Variants in PDE1A observed in about 807,000 individuals in gnomAD.
PDE1A encodes dual specificity calcium/calmodulin-dependent 3',5'-cyclic nucleotide phosphodiesterase 1A.
A neutral mutation model predicts 61.7 loss-of-function variants in PDE1A; 35 were observed. That is an observed-to-expected ratio of 0.57 (90% CI 0.43 to 0.75). The LOEUF is 0.75. PDE1A is among the 30% of genes least tolerant of loss of function. PDE1A has a pLI of 0.00. For synonymous variants in PDE1A, 232 were observed against 213.2 expected (o/e 1.09, Z -0.77); for missense variants, 597 against 630.6 (o/e 0.95, Z 0.57).
At chr2:182,705,512 T>G in the PDE1A span, among the ~76,000 whole-genome samples, 102,535 of 151,836 alleles carry the variant, frequency 0.68, 35,006 homozygotes, top group African/African-American at 0.76. Context: ...GTCTTTTTTT[T>G]TTTTGTTTTG....
intron 1 of PDE1A, among the ~76,000 whole-genome samples, chr2:182,310,676 A>C (rs1695905661): frequency 6.6e-6 from 1 of 152,148 alleles, no homozygotes; most frequent in African/African-American, 2.4e-5. Flanking sequence ...ATTCTCTTAC[A>C]AATTTTACCA....
At chr2:182,581,262 T>A in the PDE1A span, among the ~76,000 whole-genome samples, 2 of 152,174 alleles carry the variant, frequency 1.3e-5, no homozygotes, top group Non-Finnish European at 2.9e-5. Context: ...AAACTAAGGA[T>A]GTTGGAGTAG....
intron 1 of PDE1A, among the ~76,000 whole-genome samples, chr2:182,368,579 C>G (rs1699964414): frequency 6.6e-6 from 1 of 150,988 alleles, no homozygotes; most frequent in African/African-American, 2.4e-5. Context: ...TTAAATGATT[C>G]ATCTGTTGTT....
intron 1 of PDE1A, among the ~76,000 whole-genome samples, chr2:182,393,482 T>C (rs1475313868): frequency 2.0e-5 from 3 of 152,192 alleles, no homozygotes; most frequent in South Asian, 2.1e-4. Flanking sequence ...GCCTTGGTGA[T>C]TAACATTTGG....
intron 1 of PDE1A, among the ~76,000 whole-genome samples, chr2:182,380,546 T>A (rs1466133677): frequency 1.3e-5 from 2 of 152,194 alleles, no homozygotes; most frequent in Non-Finnish European, 2.9e-5. Flanking sequence ...GCTAATTTTA[T>A]AACAAATAAA....
At chr2:182,692,498 A>G in the PDE1A span, among the ~76,000 whole-genome samples, 1 of 151,762 alleles carries the variant, frequency 6.6e-6, no homozygotes, top group Non-Finnish European at 1.5e-5. Context: ...GAAAGGGAAC[A>G]TCACACACTG....
chr2:182,221,688 A>G (rs1688741428), intron 7 of PDE1A, among the ~76,000 whole-genome samples: 2 of 151,894 alleles, frequency 1.3e-5, no homozygotes, highest in African/African-American at 2.4e-5. Context: ...AGGGGCTACA[A>G]TGTGTAAGCC....
At chr2:182,549,018 T>G in the PDE1A span, among the ~76,000 whole-genome samples, 2 of 152,236 alleles carry the variant, frequency 1.3e-5, no homozygotes, top group African/African-American at 2.4e-5. Context: ...TGTATATTAG[T>G]ATGTCTACAT....
chr2:182,168,844 A>G (rs1174571475), intron 13 of PDE1A, among the ~76,000 whole-genome samples: 1 of 152,118 alleles, frequency 6.6e-6, no homozygotes, highest in Non-Finnish European at 1.5e-5. Context: ...GCTAACAACA[A>G]CAACAAAATT....
At chr2:182,613,480 G>T in the PDE1A span, among the ~76,000 whole-genome samples, 1 of 151,404 alleles carries the variant, frequency 6.6e-6, no homozygotes, top group African/African-American at 2.4e-5. Context: ...GGAGAATTGC[G>T]TGAACCTAGG....
the PDE1A span, among the ~76,000 whole-genome samples, chr2:182,546,010 G>C: frequency 3.3e-3 from 506 of 152,330 alleles, 1 homozygote; most frequent in African/African-American, 0.012. Context: ...TATAGAGTTA[G>C]TGGAGAATAA....
intron 1 of PDE1A, among the ~76,000 whole-genome samples, chr2:182,371,703 A>T (rs1053396772): frequency 6.6e-6 from 1 of 152,220 alleles, no homozygotes; most frequent in Non-Finnish European, 1.5e-5. Context: ...ACACATAGTC[A>T]TGTCTTGCCT....
the PDE1A span, among the ~76,000 whole-genome samples, chr2:182,653,764 C>T: frequency 6.6e-6 from 1 of 152,066 alleles, no homozygotes; most frequent in Non-Finnish European, 1.5e-5. Context: ...CACTAGTAGC[C>T]CACTCATCCT....
At chr2:182,371,605 G>A (rs1358603119) in intron 1 of PDE1A, among the ~76,000 whole-genome samples, 3 of 152,108 alleles carry the variant, frequency 2.0e-5, no homozygotes, top group Admixed American at 6.5e-5. Context: ...TTTGTTTACT[G>A]GATATCTGGG....
At chr2:182,637,668 T>C in the PDE1A span, among the ~76,000 whole-genome samples, 1 of 152,184 alleles carries the variant, frequency 6.6e-6, no homozygotes, top group African/African-American at 2.4e-5. Flanking sequence ...ACACCCGTAA[T>C]TCCTGCACTT....
At chr2:182,700,721 C>CAAA in the PDE1A span, among the ~76,000 whole-genome samples, 100 of 23,998 alleles carry the variant, frequency 4.2e-3, 5 homozygotes, top group African/African-American at 8.8e-3. Flanking sequence ...GACTCCATCT[C>CAAA]AAAAAAAAAA....
chr2:182,667,547 A>G, the PDE1A span, among the ~76,000 whole-genome samples: 2 of 152,194 alleles, frequency 1.3e-5, no homozygotes, highest in South Asian at 4.1e-4. Flanking sequence ...TCCTCAGACA[A>G]TACAGTTGAG....
intron 1 of PDE1A, among the ~76,000 whole-genome samples, chr2:182,414,135 G>C (rs1161874139): frequency 5.9e-5 from 9 of 152,004 alleles, no homozygotes; most frequent in Non-Finnish European, 7.4e-5. Context: ...TATTCACAAA[G>C]GACAGAAGAA....
the PDE1A span, among the ~76,000 whole-genome samples, chr2:182,596,611 T>C: frequency 6.6e-6 from 1 of 152,082 alleles, no homozygotes; most frequent in Non-Finnish European, 1.5e-5. Context: ...AATAAGGCTA[T>C]CAAAGTTGAG....
Sources: allele counts gnomAD v4.1 joint callset (sites outside exome capture counted in the v4.1 genomes callset), GRCh38; gene constraint gnomAD v4.1.1; transcripts MANE v1.5; gene names NCBI Gene and HGNC (gene_info 2026-07-23, HGNC 2026-07-21).